GRIN2A: variants seen among roughly 807,000 people sequenced by gnomAD.
GRIN2A encodes the protein glutamate ionotropic receptor NMDA type subunit 2A, also known as glutamate receptor ionotropic, NMDA 2A.
A neutral mutation model predicts 113.4 loss-of-function variants in GRIN2A; 22 were observed. The ratio of observed to expected loss-of-function variants is 0.19; its 90% CI spans 0.14 to 0.28. The LOEUF is 0.28. GRIN2A is among the 10% of genes least tolerant of loss of function. GRIN2A has a pLI of 1.00. For synonymous variants in GRIN2A, 827 were observed against 738.4 expected (o/e 1.12, Z -1.94); for missense variants, 1,502 against 1,887.0 (o/e 0.80, Z 3.78).
chr16:10,115,628 G>A (rs533337209), intron 2 of GRIN2A, among the ~76,000 whole-genome samples: 1 of 152,320 alleles, frequency 6.6e-6, no homozygotes, highest in African/African-American at 2.4e-5. Context: ...TTATAATTCT[G>A]CAGGTGAAAT....
At chr16:9,895,860 G>C (rs1393591250) in intron 3 of GRIN2A, among the ~76,000 whole-genome samples, 4 of 152,164 alleles carry the variant, frequency 2.6e-5, no homozygotes, top group Non-Finnish European at 5.9e-5. Flanking sequence ...AGTTCAGGTT[G>C]AGTCTACCTA....
At chr16:10,155,742 C>A (rs1464847529) in intron 2 of GRIN2A, among the ~76,000 whole-genome samples, 1 of 152,122 alleles carries the variant, frequency 6.6e-6, no homozygotes, top group Non-Finnish European at 1.5e-5. Context: ...AAATGAGAAG[C>A]AAGGTCACAT....
At chr16:9,916,767 C>T (rs1020133740) in intron 3 of GRIN2A, among the ~76,000 whole-genome samples, 1 of 152,152 alleles carries the variant, frequency 6.6e-6, no homozygotes, top group African/African-American at 2.4e-5. Flanking sequence ...AACAGAAGCC[C>T]TTCAAATATC....
intron 4 of GRIN2A, among the ~76,000 whole-genome samples, chr16:9,882,668 C>T (rs182785416): frequency 3.9e-5 from 6 of 152,140 alleles, no homozygotes; most frequent in Middle Eastern, 3.4e-3. Context: ...GCACTTGTGT[C>T]CCCAGCTACT....
At chr16:10,134,922 T>C (rs376942041) in intron 2 of GRIN2A, among the ~76,000 whole-genome samples, 59 of 109,074 alleles carry the variant, frequency 5.4e-4, no homozygotes, top group African/African-American at 1.8e-3. Flanking sequence ...GGACTTTTTA[T>C]CTTTCCAACG....
intron 2 of GRIN2A, among the ~76,000 whole-genome samples, chr16:10,005,269 C>G (rs151202023): frequency 3.3e-5 from 5 of 152,294 alleles, no homozygotes; most frequent in African/African-American, 1.2e-4. Context: ...ATATCAGAAG[C>G]TACTTATATT....
At chr16:10,049,467 T>G (rs2141980787) in intron 2 of GRIN2A, among the ~76,000 whole-genome samples, 1 of 152,082 alleles carries the variant, frequency 6.6e-6, no homozygotes, top group East Asian at 1.9e-4. Context: ...AACCTCCGCC[T>G]CCCAGGTTCA....
chr16:9,991,889 A>G (rs1332809357), intron 2 of GRIN2A, among the ~76,000 whole-genome samples: 1 of 152,122 alleles, frequency 6.6e-6, no homozygotes, highest in East Asian at 1.9e-4. Context: ...ATCACACACC[A>G]GGGCCTGTCA....
At chr16:10,131,887 TTAC>T (rs1298842749) in intron 2 of GRIN2A, among the ~76,000 whole-genome samples, 1 of 152,216 alleles carries the variant, frequency 6.6e-6, no homozygotes, top group Non-Finnish European at 1.5e-5. Flanking sequence ...ATTGTTATTA[TTAC>T]TACTACTGTT....
chr16:9,786,481 GT>G (rs1318905079), intron 11 of GRIN2A, among the ~76,000 whole-genome samples: 1 of 152,024 alleles, frequency 6.6e-6, no homozygotes, highest in African/African-American at 2.4e-5. Context: ...CTAAACTTCT[GT>G]CGCAAAGTGA....
chr16:10,043,026 G>A (rs536887308), intron 2 of GRIN2A, among the ~76,000 whole-genome samples: 14 of 152,280 alleles, frequency 9.2e-5, no homozygotes, highest in African/African-American at 3.1e-4. Context: ...TTTATACATC[G>A]TATAATCTAC....
rs1303247593 is a variant in GRIN2A at position 9,858,962 on chromosome 16, C to T, written c.1123-9001G>A. On this transcript the variant is annotated intron_variant, in intron 4 of 12. Coordinates refer to ENST00000330684, the MANE Select transcript of GRIN2A (RefSeq NM_001134407.3). Reference sequence around the variant, plus strand: ...GCTTACAAGAGACAATTAAAATAACCTCATCACAGGTCTCCTGGTCTCTGA... The same window carrying T: ...GCTTACAAGAGACAATTAAAATAACTTCATCACAGGTCTCCTGGTCTCTGA... Among the ~76,000 whole-genome samples, 7 of 152,210 alleles carry T rather than the reference C, an allele frequency of 4.6e-5. No individual in the cohort carries two copies. The East Asian group carries it at 1.4e-3, about 29-fold the overall frequency.
chr16:9,936,352 T>C (rs910625801), intron 3 of GRIN2A, among the ~76,000 whole-genome samples: 2 of 152,142 alleles, frequency 1.3e-5, no homozygotes, highest in African/African-American at 4.8e-5. Flanking sequence ...GCTATTATCA[T>C]CACTTTGCAA....
At chr16:9,832,914 T>C (rs1336029308) in intron 8 of GRIN2A, among the ~76,000 whole-genome samples, 1 of 152,212 alleles carries the variant, frequency 6.6e-6, no homozygotes, top group African/African-American at 2.4e-5. Context: ...TCAATAAAAC[T>C]AGGTTCCTAA....
At chr16:10,119,674 G>C (rs924511577) in intron 2 of GRIN2A, among the ~76,000 whole-genome samples, 4 of 152,156 alleles carry the variant, frequency 2.6e-5, no homozygotes, top group African/African-American at 7.2e-5. Context: ...AGATTATTTT[G>C]TCACACAGGT....
intron 5 of GRIN2A, among the ~76,000 whole-genome samples, chr16:9,847,519 C>T (rs1265345209): frequency 1.3e-5 from 2 of 151,990 alleles, no homozygotes; most frequent in East Asian, 3.9e-4. Flanking sequence ...GAGCCGTGAT[C>T]ACACCACTGC....
chr16:9,875,353 C>G (rs1157910706), intron 4 of GRIN2A, among the ~76,000 whole-genome samples: 3 of 152,160 alleles, frequency 2.0e-5, no homozygotes, highest in Non-Finnish European at 2.9e-5. Flanking sequence ...CTCTTTTTAT[C>G]TCTATTTCTC....
At position 9,977,713 on chromosome 16, in the gene GRIN2A, G is replaced by A. The variant is rs146714464; in HGVS notation, c.415-39162C>T. On this transcript the variant is annotated intron_variant, in intron 2 of 12. Transcript: ENST00000330684. ...TCCTCCTCATATCCCATATGCACAC[G>A]TGCACACCCATGTGTGCATGTACTC... is the stretch of plus-strand genomic sequence containing the variant. Among the ~76,000 whole-genome samples, 5 of 152,014 alleles carry A rather than the reference G, an allele frequency of 3.3e-5. No individual in the cohort carries two copies. The East Asian group carries it at 5.8e-4, about 18-fold the overall frequency.
chr16:10,036,463 T>TGAGATGGA, intron 2 of GRIN2A, among the ~76,000 whole-genome samples: 2 of 123,568 alleles, frequency 1.6e-5, no homozygotes, highest in African/African-American at 6.1e-5. Context: ...TTTTTTTTTT[T>TGAGATGGA]TTTTTTTTTT....
Sources: allele counts gnomAD v4.1 joint callset (sites outside exome capture counted in the v4.1 genomes callset), GRCh38; gene constraint gnomAD v4.1.1; transcripts MANE v1.5; gene names NCBI Gene and HGNC (gene_info 2026-07-23, HGNC 2026-07-21).